GALNT11: variants seen among roughly 807,000 people sequenced by gnomAD.
GALNT11 encodes the protein polypeptide N-acetylgalactosaminyltransferase 11.
GALNT11 carries 47 observed loss-of-function variants against 72.7 expected under a neutral mutation model. The ratio of observed to expected loss-of-function variants is 0.65; its 90% CI spans 0.51 to 0.82. The LOEUF is 0.82. Among genes scored for constraint, GALNT11 ranks in the 40% least tolerant of loss-of-function variants. The pLI is 0.00. For missense variants in GALNT11, 677 were observed against 778.4 expected, an observed-to-expected ratio of 0.87 and a Z score of 1.55; for synonymous variants, 270 against 286.6, an observed-to-expected ratio of 0.94 and a Z score of 0.58.
rs149563705 is a variant in GALNT11 at position 152,076,419 on chromosome 7, C to T, written c.-38-17771C>T. Among the ~76,000 whole-genome samples the T allele has an allele frequency of 2.7e-3, 417 of 152,070 alleles. 2 individuals carry two copies. The highest frequency in any genetic ancestry group is 4.2e-3 in the Non-Finnish European group (283 of 68,006). On this transcript the variant is annotated intron_variant, in intron 1 of 11. Transcript: ENST00000430044. ...GACACACCAGTAGGGGAATGAAGTG[C>T]GCCGTCTAGGAAAGACAGCCAATAA... is the stretch of plus-strand genomic sequence containing the variant.
chr7:152,062,345 T>G (rs2084066326), intron 1 of GALNT11, among the ~76,000 whole-genome samples: 1 of 152,254 alleles, frequency 6.6e-6, no homozygotes, highest in Non-Finnish European at 1.5e-5. Flanking sequence ...AAGTTGCTTA[T>G]CAGCTTAAGG....
chr7:152,058,257 GC>G, intron 1 of GALNT11, among the ~76,000 whole-genome samples: 1 of 152,130 alleles, frequency 6.6e-6, no homozygotes, highest in Non-Finnish European at 1.5e-5. Context: ...TAATCTTTTT[GC>G]TGGTGAGAGT....
chr7:152,120,639 A>G (rs575472973), intron 10 of GALNT11, 192 bp from the exon 11 acceptor site: 15 of 559,344 alleles, frequency 2.7e-5, no homozygotes, highest in Middle Eastern at 4.8e-4. Context: ...TTCCCAGAAT[A>G]GCACCTCACT....
chr7:152,031,886 G>A (rs1393434379), intron 1 of GALNT11, among the ~76,000 whole-genome samples: 1 of 152,144 alleles, frequency 6.6e-6, no homozygotes, highest in Non-Finnish European at 1.5e-5. Context: ...TCTATCTGGG[G>A]ATCCATAGTT....
chr7:152,084,350 C>G (rs1264550899), intron 1 of GALNT11, among the ~76,000 whole-genome samples: 1 of 145,978 alleles, frequency 6.9e-6, no homozygotes, highest in Non-Finnish European at 1.5e-5. Context: ...TTGAGTCTAG[C>G]CCGGGCAACA....
At position 152,073,308 on chromosome 7, in the gene GALNT11, CG is replaced by C. The variant is rs1364005070; in HGVS notation, c.-38-20881del. Among the ~76,000 whole-genome samples the C allele has an allele frequency of 2.0e-5, 3 of 152,288 alleles. No homozygotes were observed. The East Asian group carries it at 5.8e-4, about 29-fold the overall frequency. On this transcript the variant is annotated intron_variant, in intron 1 of 11. Transcript: ENST00000430044. The stretch of plus-strand genomic sequence containing the variant: ...CAAATCTCTTCCTATCTCCTCCCTT[CG>C]CCCACCCTTCCCAGCCTCTAGTATC...
At chr7:152,045,863 T>A (rs1246704206) in intron 1 of GALNT11, among the ~76,000 whole-genome samples, 1 of 152,124 alleles carries the variant, frequency 6.6e-6, no homozygotes, top group Non-Finnish European at 1.5e-5. Flanking sequence ...TTTCTCTGCA[T>A]CTTTAAGATG....
At chr7:152,092,063 C>T (rs559933967) in intron 1 of GALNT11, among the ~76,000 whole-genome samples, 26 of 152,214 alleles carry the variant, frequency 1.7e-4, no homozygotes, top group African/African-American at 5.8e-4. Context: ...GGGTTGGCTC[C>T]CTAGGTGCCT....
At chr7:152,114,603 C>T (rs999203196) in intron 8 of GALNT11, among the ~76,000 whole-genome samples, 1 of 151,846 alleles carries the variant, frequency 6.6e-6, no homozygotes, top group African/African-American at 2.4e-5. Context: ...TCTTGTTGCC[C>T]AGGCTGAAGT....
chr7:152,098,635 T>G (rs932233000), intron 2 of GALNT11, among the ~76,000 whole-genome samples: 2 of 152,152 alleles, frequency 1.3e-5, no homozygotes, highest in African/African-American at 4.8e-5. Context: ...AGAACATGAT[T>G]CTTTCATGTT....
At chr7:152,120,655 C>T in intron 10 of GALNT11, 176 bp from the exon 11 acceptor site, 1 of 588,146 alleles carries the variant, frequency 1.7e-6, no homozygotes, top group Admixed American at 3.1e-5. Context: ...TCACTTTCTC[C>T]TGCCTTAGCT....
At chr7:152,052,972 C>T (rs2083471306) in intron 1 of GALNT11, among the ~76,000 whole-genome samples, 2 of 152,198 alleles carry the variant, frequency 1.3e-5, no homozygotes, top group Non-Finnish European at 2.9e-5. Flanking sequence ...CCCTTTGTCC[C>T]TTGGGGGCCC....
chr7:152,091,008 G>C (rs2085988231), intron 1 of GALNT11, among the ~76,000 whole-genome samples: 1 of 152,020 alleles, frequency 6.6e-6, no homozygotes, highest in Non-Finnish European at 1.5e-5. Context: ...AGATGCAGCT[G>C]AGGAGTCAGG....
intron 10 of GALNT11, chr7:152,120,570 T>G: frequency 2.6e-6 from 1 of 382,264 alleles, no homozygotes; most frequent in Non-Finnish European, 4.8e-6. Flanking sequence ...ACCCTAAAAT[T>G]GGAAAAGAGT....
rs563862783 is a variant in GALNT11, at chr7:152,103,175, T to C, written c.483T>C (p.Asn161=). ...PAASVVICFY[N]EAFSALLRTV... is the part of the protein sequence containing the mutation. ...CTAGTGTTGTTATCTGTTTCTATAATGAAGCGTTTTCTGCCTTGCTTCGGA... is the reference window on the plus strand; with the variant it reads ...CTAGTGTTGTTATCTGTTTCTATAACGAAGCGTTTTCTGCCTTGCTTCGGA... The change falls in exon 4 of 12, where the codon AAT becomes AAC. Residue 161 remains asparagine (N), a synonymous_variant. Transcript: ENST00000430044. 1 of 1,612,982 alleles carries C rather than the reference T, an allele frequency of 6.2e-7. No individual in the cohort carries two copies.
intron 1 of GALNT11, among the ~76,000 whole-genome samples, chr7:152,026,424 C>T (rs1214361016): frequency 6.6e-6 from 1 of 152,212 alleles, no homozygotes; most frequent in Non-Finnish European, 1.5e-5. Flanking sequence ...CTCCCTCACC[C>T]TTTGGCCAGG....
chr7:152,114,648 C>T (rs2088649214), intron 8 of GALNT11, among the ~76,000 whole-genome samples: 1 of 152,036 alleles, frequency 6.6e-6, no homozygotes, highest in Admixed American at 6.5e-5. Flanking sequence ...GCAACCTCCA[C>T]CTCCTGGGTT....
At chr7:152,072,011 A>G (rs1225178917) in intron 1 of GALNT11, among the ~76,000 whole-genome samples, 1 of 100,032 alleles carries the variant, frequency 1.0e-5, no homozygotes, top group Non-Finnish European at 1.7e-5. Flanking sequence ...CTCTGTCTCA[A>G]AAAAAAAAAA....
intron 1 of GALNT11, among the ~76,000 whole-genome samples, chr7:152,076,763 A>G (rs1007017777): frequency 1.3e-5 from 2 of 152,234 alleles, no homozygotes; most frequent in African/African-American, 4.8e-5. Context: ...ACCTGCAAAC[A>G]ACAGTAACTG....
Sources: gnomAD v4.1 joint callset for allele counts (sites outside exome capture counted in the v4.1 genomes callset) on GRCh38, gnomAD v4.1.1 for gene constraint, MANE v1.5 for transcripts, NCBI Gene and HGNC (gene_info 2026-07-23, HGNC 2026-07-21) for gene names.